Variants in RAPGEF6 observed in about 807,000 individuals in gnomAD.
RAPGEF6 encodes PDZ domain containing guanine nucleotide exchange factor (GEF) 2.
RAPGEF6 carries 56 observed loss-of-function variants against 171.4 expected under a neutral mutation model. The observed-to-expected ratio is 0.33, with a 90% CI of 0.26 to 0.41. The LOEUF is 0.41. Among genes scored for constraint, RAPGEF6 ranks in the 10% least tolerant of loss-of-function variants. RAPGEF6 has a pLI of 1.00. For synonymous variants in RAPGEF6, 692 were observed against 650.1 expected, an observed-to-expected ratio of 1.06 and a Z score of -0.98; for missense variants, 1,674 against 1,921.4, an observed-to-expected ratio of 0.87 and a Z score of 2.41.
intron 1 of RAPGEF6, 23 bp from the exon 2 acceptor site, chr5:131,604,716 T>C (rs756350572): frequency 2.3e-5 from 36 of 1,583,340 alleles, no homozygotes; most frequent in Non-Finnish European, 3.0e-5. Context: ...AGAAAAAAAT[T>C]AGATTATTTT....
At chr5:131,609,354 C>G (rs973843513) in intron 1 of RAPGEF6, among the ~76,000 whole-genome samples, 1 of 152,004 alleles carries the variant, frequency 6.6e-6, no homozygotes, top group Non-Finnish European at 1.5e-5. Flanking sequence ...AGGAAAAAGA[C>G]AAAAAGATCA....
chr5:131,481,964 AG>A (rs1755517673), intron 15 of RAPGEF6, among the ~76,000 whole-genome samples: 1 of 152,218 alleles, frequency 6.6e-6, no homozygotes, highest in Non-Finnish European at 1.5e-5. Flanking sequence ...AGAAAAGGAA[AG>A]TAAGAGTTTC....
At chr5:131,479,388 T>A (rs1755318341) in intron 16 of RAPGEF6, 125 bp downstream of exon 16, 2 of 984,358 alleles carry the variant, frequency 2.0e-6, no homozygotes, top group Admixed American at 5.3e-5. Context: ...TGAGTACTGT[T>A]TGAAGACTTT....
In RAPGEF6 at chr5:131,429,152, T is replaced by C; in HGVS notation, c.4530A>G (p.Gly1510=). The C allele has an allele frequency of 4.3e-6, 7 of 1,613,942 alleles. No individual in the cohort carries two copies. The highest frequency in any genetic ancestry group is 5.9e-6 in the Non-Finnish European group (7 of 1,179,844). ...GGTCCGCTAAAGAAATCCCCAAATA[T>C]CCTGGAGGAGTGGGAGGTGGCTCCC... The part of the protein sequence containing the change: ...RYREPPPTPP[G]YLGISLADLK... Residue 1510 remains glycine (G), a synonymous_variant, in exon 27 of 28, where the codon GGA becomes GGG. Coordinates refer to ENST00000509018, the MANE Select transcript of RAPGEF6 (RefSeq NM_016340.6).
At chr5:131,606,274 G>C (rs1764569032) in intron 1 of RAPGEF6, among the ~76,000 whole-genome samples, 1 of 150,472 alleles carries the variant, frequency 6.6e-6, no homozygotes, top group Non-Finnish European at 1.5e-5. Context: ...GCTGAGGTGT[G>C]AGGGATGGCT....
chr5:131,515,235 C>T (rs1757996482), intron 7 of RAPGEF6, among the ~76,000 whole-genome samples: 2 of 152,290 alleles, frequency 1.3e-5, no homozygotes, highest in South Asian at 4.1e-4. Flanking sequence ...GTATTCCCAT[C>T]TTTAGTATTT....
chr5:131,544,706 G>A lies in RAPGEF6; in HGVS notation c.495+3341C>T, dbSNP rs183216326. Among the ~76,000 whole-genome samples, 17 of 151,984 alleles carry A rather than the reference G, an allele frequency of 1.1e-4. No homozygotes were observed. In the East Asian group the frequency reaches 2.5e-3, roughly 22 times the overall value. On this transcript the variant is annotated intron_variant, in intron 6 of 27. Transcript: ENST00000509018. The stretch of plus-strand genomic sequence containing the variant: ...TTTAAAAAAAATTTTTTTTTGAGAC[G>A]GAGTCTCACTCTATAGCCCAGGCTG...
intron 21 of RAPGEF6, among the ~76,000 whole-genome samples, chr5:131,450,839 T>C (rs1053226003): frequency 1.3e-5 from 2 of 152,170 alleles, no homozygotes; most frequent in East Asian, 1.9e-4. Flanking sequence ...CAATACCTTA[T>C]TGTATTCAAT....
intron 7 of RAPGEF6, among the ~76,000 whole-genome samples, chr5:131,518,984 T>C (rs1758288820): frequency 6.6e-6 from 1 of 152,096 alleles, no homozygotes; most frequent in Non-Finnish European, 1.5e-5. Context: ...AACTATAAGG[T>C]CAGAAAAGAG....
chr5:131,501,139 A>G (rs1210197746), intron 11 of RAPGEF6, among the ~76,000 whole-genome samples: 2 of 151,950 alleles, frequency 1.3e-5, no homozygotes, highest in Non-Finnish European at 2.9e-5. Context: ...AAATGGCAAA[A>G]CCCCACCTCT....
chr5:131,464,325 C>T (rs1754166924), intron 17 of RAPGEF6, 44 bp from the exon 18 acceptor site: 1 of 1,536,668 alleles, frequency 6.5e-7, no homozygotes. Flanking sequence ...TTAAAAAAAT[C>T]ACTTTTAAAC....
chr5:131,558,481 A>T (rs964138530), intron 5 of RAPGEF6, among the ~76,000 whole-genome samples: 1 of 151,778 alleles, frequency 6.6e-6, no homozygotes, highest in Non-Finnish European at 1.5e-5. Flanking sequence ...TATGCCACTG[A>T]TATTTATTTT....
At chr5:131,525,385 G>C (rs1209856198) in intron 6 of RAPGEF6, among the ~76,000 whole-genome samples, 1 of 152,060 alleles carries the variant, frequency 6.6e-6, no homozygotes, top group Non-Finnish European at 1.5e-5. Context: ...TATCATGTTA[G>C]AAAATTGTAA....
intron 3 of RAPGEF6, among the ~76,000 whole-genome samples, chr5:131,593,981 A>G (rs563538160): frequency 1.3e-5 from 2 of 152,320 alleles, no homozygotes; most frequent in African/African-American, 2.4e-5. Context: ...AGCCCGCTGC[A>G]GAAATGTGCA....
At chr5:131,582,488 G>A (rs1580620041) in intron 4 of RAPGEF6, among the ~76,000 whole-genome samples, 2 of 152,046 alleles carry the variant, frequency 1.3e-5, no homozygotes, top group African/African-American at 2.4e-5. Context: ...AGCTAAAACT[G>A]TAAAACTTCC....
intron 7 of RAPGEF6, among the ~76,000 whole-genome samples, chr5:131,517,202 A>C (rs1758145794): frequency 6.6e-6 from 1 of 152,176 alleles, no homozygotes; most frequent in Non-Finnish European, 1.5e-5. Context: ...TTCGAACCCC[A>C]AACACTCAGC....
intron 12 of RAPGEF6, among the ~76,000 whole-genome samples, chr5:131,497,192 C>A (rs1756693934): frequency 6.6e-6 from 1 of 152,176 alleles, no homozygotes. Context: ...AATGTCTATA[C>A]AAGTCCTTGG....
intron 17 of RAPGEF6, among the ~76,000 whole-genome samples, chr5:131,469,468 T>C (rs1296725658): frequency 6.6e-6 from 1 of 152,154 alleles, no homozygotes; most frequent in South Asian, 2.1e-4. Flanking sequence ...AAGTTCTACA[T>C]GCAGATATAG....
Position 131,523,279 on chromosome 5 carries a change from CTTTTTTT to C in RAPGEF6, c.496-1765_496-1759del, listed in dbSNP as rs1171953953. Reference sequence around the variant, plus strand: ...GGCCACATACAGTTTCTGTTGTATGCTTTTTTTTTTTTTTTTTTTTTTTTTTACATCT... The same window carrying C: ...GGCCACATACAGTTTCTGTTGTATGCTTTTTTTTTTTTTTTTTTTACATCT... On this transcript the variant is annotated intron_variant, in intron 6 of 27. Transcript: ENST00000509018. Among the ~76,000 whole-genome samples, 38 of 66,656 alleles carry C rather than the reference CTTTTTTT, an allele frequency of 5.7e-4. No homozygotes were observed. The South Asian group carries it at 0.017, about 31-fold the overall frequency. 43.7% of individuals were successfully genotyped at this position (66,656 alleles called of 152,430 possible).
Sources: gnomAD v4.1 joint callset for allele counts (sites outside exome capture counted in the v4.1 genomes callset) on GRCh38, gnomAD v4.1.1 for gene constraint, MANE v1.5 for transcripts, NCBI Gene and HGNC (gene_info 2026-07-23, HGNC 2026-07-21) for gene names.